Variants in MACROD2 observed in about 807,000 individuals in gnomAD.
MACROD2 encodes the protein mono-ADP ribosylhydrolase 2.
MACROD2 carries 36 observed loss-of-function variants against 70.4 expected under a neutral mutation model. That is an observed-to-expected ratio of 0.51 (90% CI 0.39 to 0.68). The LOEUF (loss-of-function observed/expected upper bound fraction) is 0.68. Ranked by LOEUF, MACROD2 falls within the 30% of genes least tolerant of loss-of-function variation. MACROD2 has a pLI of 0.00. For synonymous variants in MACROD2, 172 were observed against 178.8 expected, an observed-to-expected ratio of 0.96 and a Z score of 0.30; for missense variants, 496 against 538.4, an observed-to-expected ratio of 0.92 and a Z score of 0.78.
chr20:14,644,069 A>C (rs1238751205), intron 4 of MACROD2, among the ~76,000 whole-genome samples: 1 of 152,216 alleles, frequency 6.6e-6, no homozygotes, highest in African/African-American at 2.4e-5. Context: ...AGCATTAATA[A>C]AAATATATAA....
rs11346548 is a variant in MACROD2, at chr20:15,756,411, GAA to G, written c.646-106324_646-106323del. On this transcript the variant is annotated intron_variant, in intron 8 of 17. Coordinates refer to ENST00000684519, the MANE Select transcript of MACROD2 (RefSeq NM_001351661.2). The stretch of plus-strand genomic sequence containing the variant: ...TGGAGTACTTTGCTTCTTGGTTTGA[GAA>G]AAAAAAAAATTTACAAGGAGGTCAC... 6.5e-4 allele frequency among the ~76,000 whole-genome samples: 96 copies of G among 148,644 alleles called. 1 individual carries two copies. Among genetic ancestry groups the G allele is most frequent in the African/African-American group, 2.2e-3 (91 of 40,850 alleles).
At position 15,664,707 on chromosome 20, in the gene MACROD2, C is replaced by A. The variant is rs6110717; in HGVS notation, c.645+164860C>A. The stretch of plus-strand genomic sequence containing the variant: ...GAGCAACAGCTGGCCAGAAGTTGCT[C>A]TTTTTTCATGGTGTTGACAGAAGTA... On this transcript the variant is annotated intron_variant, in intron 8 of 17. Coordinates refer to ENST00000684519, the MANE Select transcript of MACROD2 (RefSeq NM_001351661.2). Among the ~76,000 whole-genome samples, 271 of 152,096 alleles carry A rather than the reference C, an allele frequency of 1.8e-3. 1 individual carries two copies. The highest frequency in any genetic ancestry group is 5.8e-3 in the African/African-American group (241 of 41,496).
At chr20:14,595,240 T>C (rs560402728) in intron 4 of MACROD2, among the ~76,000 whole-genome samples, 1 of 152,224 alleles carries the variant, frequency 6.6e-6, no homozygotes, top group Admixed American at 6.5e-5. Flanking sequence ...CATGAAAAAT[T>C]AGGCGTGCAG....
chr20:15,923,513 C>T (rs2065443195), intron 10 of MACROD2, among the ~76,000 whole-genome samples: 1 of 152,192 alleles, frequency 6.6e-6, no homozygotes, highest in African/African-American at 2.4e-5. Context: ...TATCACCAAT[C>T]ATTCTCAAAG....
chr20:14,636,832 T>G (rs569345235), intron 4 of MACROD2, among the ~76,000 whole-genome samples: 1 of 152,300 alleles, frequency 6.6e-6, no homozygotes, highest in South Asian at 2.1e-4. Flanking sequence ...CCTGCTCTAT[T>G]TGGGGAAGAA....
chr20:15,031,778 T>G (rs1298170395), intron 5 of MACROD2, among the ~76,000 whole-genome samples: 4 of 152,208 alleles, frequency 2.6e-5, no homozygotes, highest in African/African-American at 9.6e-5. Context: ...GCACCATAAA[T>G]TCTCTCTGGG....
intron 6 of MACROD2, among the ~76,000 whole-genome samples, chr20:15,307,298 G>A (rs2077707459): frequency 1.3e-5 from 2 of 152,066 alleles, no homozygotes; most frequent in African/African-American, 4.8e-5. Context: ...CTATGACCAC[G>A]GTTTCCTCCA....
chr20:15,611,700 T>A (rs1257965694), intron 8 of MACROD2, among the ~76,000 whole-genome samples: 1 of 151,670 alleles, frequency 6.6e-6, no homozygotes, highest in Non-Finnish European at 1.5e-5. Context: ...CATGCTAAGG[T>A]TGTGCAGTAT....
chr20:14,492,296 G>A (rs2084803762), intron 3 of MACROD2, among the ~76,000 whole-genome samples: 1 of 152,110 alleles, frequency 6.6e-6, no homozygotes, highest in Non-Finnish European at 1.5e-5. Flanking sequence ...AGGGCAATTA[G>A]CAAGAGCAAC....
intron 7 of MACROD2, among the ~76,000 whole-genome samples, chr20:15,463,197 G>C (rs907840433): frequency 3.9e-5 from 6 of 152,150 alleles, no homozygotes; most frequent in Non-Finnish European, 1.5e-5. Context: ...TACATTCCAT[G>C]TGTCAATGCC....
intron 2 of MACROD2, among the ~76,000 whole-genome samples, chr20:14,035,957 A>G (rs945520412): frequency 1.3e-5 from 2 of 152,210 alleles, no homozygotes; most frequent in African/African-American, 4.8e-5. Context: ...CCTGGCTAAC[A>G]TGGTGAAACC....
intron 2 of MACROD2, among the ~76,000 whole-genome samples, chr20:14,014,236 C>T (rs141452268): frequency 1.4e-5 from 2 of 144,894 alleles, no homozygotes; most frequent in African/African-American, 2.5e-5. Flanking sequence ...CCCTCCCCCC[C>T]ACCCCCAATA....
chr20:15,427,857 G>T (rs1000979226), intron 6 of MACROD2, among the ~76,000 whole-genome samples: 11 of 152,090 alleles, frequency 7.2e-5, no homozygotes, highest in African/African-American at 2.7e-4. Context: ...CTCAACAAGG[G>T]GTGATTTTTT....
chr20:14,121,887 C>A (rs1326093461), intron 3 of MACROD2, among the ~76,000 whole-genome samples: 2 of 152,026 alleles, frequency 1.3e-5, no homozygotes, highest in Admixed American at 6.6e-5. Context: ...TAATTTTATA[C>A]CTCTTTTATA....
At chr20:15,510,680 A>C (rs1249980141) in intron 8 of MACROD2, among the ~76,000 whole-genome samples, 1 of 152,178 alleles carries the variant, frequency 6.6e-6, no homozygotes, top group Non-Finnish European at 1.5e-5. Flanking sequence ...AGAAAACCAA[A>C]TAGGTCTGGC....
At chr20:14,581,388 G>A (rs947961997) in intron 4 of MACROD2, among the ~76,000 whole-genome samples, 1 of 152,144 alleles carries the variant, frequency 6.6e-6, no homozygotes, top group Non-Finnish European at 1.5e-5. Context: ...AGCGTGGAGC[G>A]AAGGTTGACA....
intron 8 of MACROD2, among the ~76,000 whole-genome samples, chr20:15,747,203 A>C (rs1198376299): frequency 2.0e-5 from 3 of 152,058 alleles, no homozygotes; most frequent in Non-Finnish European, 4.4e-5. Context: ...AAGACCCCCA[A>C]ATAGGAGGCC....
chr20:15,601,763 T>G (rs1269108952), intron 8 of MACROD2, among the ~76,000 whole-genome samples: 1 of 152,206 alleles, frequency 6.6e-6, no homozygotes, highest in Non-Finnish European at 1.5e-5. Context: ...GTGTGGTGGC[T>G]CACGCCTGTA....
intron 7 of MACROD2, among the ~76,000 whole-genome samples, chr20:15,487,562 C>G (rs1157699592): frequency 6.6e-6 from 1 of 152,158 alleles, no homozygotes; most frequent in Non-Finnish European, 1.5e-5. Flanking sequence ...TATACCCTAT[C>G]TAAACCATAG....
Sources: gnomAD v4.1 joint callset for allele counts (sites outside exome capture counted in the v4.1 genomes callset) on GRCh38, gnomAD v4.1.1 for gene constraint, MANE v1.5 for transcripts, NCBI Gene and HGNC (gene_info 2026-07-23, HGNC 2026-07-21) for gene names.